Variants in RABGAP1 observed in about 807,000 individuals in gnomAD.
RABGAP1 encodes the protein rab GTPase-activating protein 1.
A neutral mutation model predicts 137.6 loss-of-function variants in RABGAP1; 23 were observed. That is an observed-to-expected ratio of 0.17 (90% CI 0.12 to 0.24). The LOEUF (loss-of-function observed/expected upper bound fraction) is 0.24, where lower values mean the gene tolerates loss of function less well. Among genes scored for constraint, RABGAP1 ranks in the 10% least tolerant of loss-of-function variants. RABGAP1 has a pLI of 1.00. For synonymous variants in RABGAP1, 451 were observed against 450.7 expected (o/e 1.00, Z -0.01); for missense variants, 906 against 1,275.8 (o/e 0.71, Z 4.42).
intron 13 of RABGAP1, among the ~76,000 whole-genome samples, chr9:123,043,775 AAC>A (rs1477152086): frequency 6.6e-6 from 1 of 152,180 alleles, no homozygotes; most frequent in African/African-American, 2.4e-5. Flanking sequence ...ATTAAAAACA[AAC>A]AGCTTTAAAA....
intron 3 of RABGAP1, among the ~76,000 whole-genome samples, 154 bp from the exon 4 acceptor site, chr9:122,986,060 TG>T (rs1479680135): frequency 1.3e-5 from 2 of 152,254 alleles, no homozygotes; most frequent in Non-Finnish European, 2.9e-5. Context: ...GTGGGATTTC[TG>T]GTTTTCATGG....
In RABGAP1 at chr9:122,990,815, A is replaced by G. The variant is rs1456879818; in HGVS notation, c.923+602A>G. The G allele has an allele frequency of 3.0e-4, 35 of 116,602 alleles. 1 individual carries two copies. Among genetic ancestry groups the G allele is most frequent in the African/African-American group, 1.2e-3 (35 of 28,600 alleles). 7.2% of individuals were successfully genotyped at this position (116,602 alleles called of 1,614,324 possible). On this transcript the variant is annotated intron_variant, in intron 6 of 25. Transcript: ENST00000373647. ...AAAAAAAATATATATATATATATAT[A>G]TATATATATATATATATATATGGCC...
chr9:122,954,207 G>A (rs936955845), intron 1 of RABGAP1, among the ~76,000 whole-genome samples: 1 of 152,218 alleles, frequency 6.6e-6, no homozygotes, highest in Non-Finnish European at 1.5e-5. Flanking sequence ...TTTGCCAGAA[G>A]TGCAGCAAGT....
intron 7 of RABGAP1, 74 bp downstream of exon 7, chr9:122,996,225 G>T: frequency 1.3e-6 from 2 of 1,492,890 alleles, no homozygotes; most frequent in Non-Finnish European, 8.9e-7. Flanking sequence ...GTTTTACACT[G>T]TATTAAAAAA....
At chr9:122,977,857 T>TAC (rs1170571307) in intron 2 of RABGAP1, among the ~76,000 whole-genome samples, 1 of 152,182 alleles carries the variant, frequency 6.6e-6, no homozygotes, top group African/African-American at 2.4e-5. Context: ...TGGGAGTAGA[T>TAC]ACCATACAGT....
At chr9:122,983,840 A>G (rs547445451) in intron 2 of RABGAP1, among the ~76,000 whole-genome samples, 2 of 152,356 alleles carry the variant, frequency 1.3e-5, no homozygotes, top group South Asian at 4.1e-4. Flanking sequence ...TTGTTGAGGA[A>G]CTAGTAATAA....
intron 17 of RABGAP1, among the ~76,000 whole-genome samples, chr9:123,075,951 A>C (rs2034494885): frequency 6.6e-6 from 1 of 152,196 alleles, no homozygotes. Flanking sequence ...GAGAGATCAC[A>C]ACTTTATGAC....
rs191967452 is a variant in RABGAP1, at chr9:122,974,548, T to A, written c.151-9937T>A. Among the ~76,000 whole-genome samples, 438 of 151,482 alleles carry A rather than the reference T, an allele frequency of 2.9e-3. 2 individuals carry two copies. Among genetic ancestry groups the A allele is most frequent in the African/African-American group, 0.01 (414 of 41,298 alleles). ...CTCATGCCTGTAATCCCAACACACT[T>A]TGGGAGGTGGAGGCAGGAGGATTGC... On this transcript the variant is annotated intron_variant, in intron 2 of 25. Transcript: ENST00000373647.
chr9:122,952,770 A>G (rs1834319841), intron 1 of RABGAP1, among the ~76,000 whole-genome samples: 1 of 152,010 alleles, frequency 6.6e-6, no homozygotes, highest in African/African-American at 2.4e-5. Context: ...GCATCCACCA[A>G]CCTGCCCTGT....
At chr9:123,065,521 A>G (rs1342791013) in intron 14 of RABGAP1, 60 bp downstream of exon 14, 4 of 1,184,472 alleles carry the variant, frequency 3.4e-6, no homozygotes, top group Admixed American at 1.7e-5. Flanking sequence ...CTTTGAAATT[A>G]CATAAGAAAC....
At chr9:123,057,166 C>T (rs1165744617) in intron 13 of RABGAP1, among the ~76,000 whole-genome samples, 1 of 151,790 alleles carries the variant, frequency 6.6e-6, no homozygotes, top group African/African-American at 2.4e-5. Context: ...ACCCCCACCT[C>T]CCTCCCGGAC....
intron 13 of RABGAP1, among the ~76,000 whole-genome samples, chr9:123,025,208 CA>C (rs1239773992): frequency 1.3e-5 from 2 of 152,170 alleles, no homozygotes; most frequent in African/African-American, 4.8e-5. Flanking sequence ...TTTAAATTCT[CA>C]TATATGCTGG....
chr9:122,951,573 ATTTT>A (rs879503107), intron 1 of RABGAP1, among the ~76,000 whole-genome samples: 1 of 144,120 alleles, frequency 6.9e-6, no homozygotes, highest in African/African-American at 2.5e-5. Context: ...ATGAATGTGA[ATTTT>A]TTTTTTTTTT....
intron 13 of RABGAP1, among the ~76,000 whole-genome samples, chr9:123,036,477 A>C (rs529287071): frequency 3.9e-5 from 6 of 152,352 alleles, no homozygotes; most frequent in African/African-American, 1.4e-4. Context: ...TTGGCTGTCC[A>C]TTTTATAATG....
chr9:122,960,382 C>T (rs1299887678), intron 2 of RABGAP1, among the ~76,000 whole-genome samples: 3 of 152,144 alleles, frequency 2.0e-5, no homozygotes, highest in African/African-American at 4.8e-5. Context: ...CAAGAATCAG[C>T]GAGAGCCCTG....
intron 2 of RABGAP1, among the ~76,000 whole-genome samples, chr9:122,964,439 G>A (rs577420502): frequency 6.6e-6 from 1 of 152,032 alleles, no homozygotes; most frequent in Non-Finnish European, 1.5e-5. Context: ...GTAATACACC[G>A]TATCTATAGA....
intron 2 of RABGAP1, among the ~76,000 whole-genome samples, chr9:122,980,091 G>A (rs1835967400): frequency 6.6e-6 from 1 of 152,210 alleles, no homozygotes; most frequent in African/African-American, 2.4e-5. Context: ...TTGGAACATA[G>A]CCACATTAGT....
In RABGAP1 at chr9:123,010,422, A is replaced by G. The variant is rs1207529990; in HGVS notation, c.1443A>G (p.Ser481=). ...LYEVVCLESE[S]ERERRKTTAS... is the part of the protein sequence containing the mutation. Reference sequence around the variant, plus strand: ...AAGTTGTATGCTTGGAAAGTGAATCAGAAAGAGAGAGGAGGAAAACTACAG... The same window carrying G: ...AAGTTGTATGCTTGGAAAGTGAATCGGAAAGAGAGAGGAGGAAAACTACAG... Residue 481 remains serine, a synonymous_variant, in exon 11 of 26, where the codon TCA becomes TCG. Transcript: ENST00000373647. The G allele has an allele frequency of 1.2e-6, 2 of 1,613,794 alleles. No homozygotes were observed. Among genetic ancestry groups the G allele is most frequent in the Non-Finnish European group, 1.7e-6 (2 of 1,179,786 alleles).
intron 2 of RABGAP1, among the ~76,000 whole-genome samples, chr9:122,959,350 A>T (rs1189956724): frequency 1.0e-5 from 1 of 99,702 alleles, no homozygotes; most frequent in Non-Finnish European, 1.9e-5. Context: ...CTTAATAGAA[A>T]GTGTGGGGCT....
Sources: allele counts gnomAD v4.1 joint callset (sites outside exome capture counted in the v4.1 genomes callset), GRCh38; gene constraint gnomAD v4.1.1; transcripts MANE v1.5; gene names NCBI Gene and HGNC (gene_info 2026-07-23, HGNC 2026-07-21).